Variants in GRIN2C observed in about 807,000 individuals in gnomAD.
GRIN2C encodes glutamate ionotropic receptor NMDA type subunit 2C.
GRIN2C carries 64 observed loss-of-function variants against 77.7 expected under a neutral mutation model. The observed-to-expected ratio is 0.82, with a 90% CI of 0.67 to 1.01. The LOEUF is 1.01. Among genes scored for constraint, GRIN2C ranks in the 50% least tolerant of loss-of-function variants. The probability of loss-of-function intolerance (pLI) is 0.00; values close to 1 mark genes in which losing one functional copy is unlikely to be tolerated. For synonymous variants in GRIN2C, 792 were observed against 643.4 expected (o/e 1.23, Z -3.49); for missense variants, 1,549 against 1,486.0 (o/e 1.04, Z -0.70).
chr17:74,847,153 C>T lies in GRIN2C; in HGVS notation c.2001+155G>A, dbSNP rs759438903. On this transcript the variant is annotated intron_variant, in intron 9 of 12. Transcript: ENST00000293190. This position sits in a 1 kb window ranked among gnomAD's most constrained non-coding sequence, Gnocchi z 5.2. Reference sequence around the variant, plus strand: ...GGTGGCCCTGAGCCATCTCTTGCCCCAGCCCCCAACCCCTTCTCAGCAGGC... The same window carrying T: ...GGTGGCCCTGAGCCATCTCTTGCCCTAGCCCCCAACCCCTTCTCAGCAGGC... The T allele has an allele frequency of 6.2e-4, 458 of 733,242 alleles. 1 individual carries two copies. In the Middle Eastern group the frequency reaches 8.2e-3, roughly 13 times the overall value. The allele number at this position is 733,242 out of a possible 1,614,324, so 45.4% of individuals were successfully genotyped here. A position where few individuals can be genotyped will look rare whatever the true frequency, so the allele number is the denominator to read the frequency against.
At position 74,847,488 on chromosome 17, in the gene GRIN2C, C is replaced by T. The variant is rs2144567873; in HGVS notation, c.1821G>A (p.Trp607Ter). 1.9e-6 allele frequency: 3 copies of T among 1,613,830 alleles called. No homozygotes were observed. The Admixed American group carries it at 5.0e-5, about 27-fold the overall frequency. Reference sequence around the variant, plus strand: ...GCACTGAGTTGTTGAAGACCAGCGCCCACAGCAGCCACACGGACTTGCCGA... The same window carrying T: ...GCACTGAGTTGTTGAAGACCAGCGCTCACAGCAGCCACACGGACTTGCCGA... ...FTIGKSVWLL[W>*]ALVFNNSVPI... The change falls in exon 9 of 13, where the codon TGG becomes TGA. Residue 607 changes from tryptophan to a stop codon, truncating the protein, a stop_gained. Coordinates refer to ENST00000293190, the MANE Select transcript of GRIN2C (RefSeq NM_000835.6). LOFTEE classifies it high-confidence loss of function. This position sits in a 1 kb window ranked among gnomAD's most constrained non-coding sequence, Gnocchi z 5.2.
Position 74,847,112 on chromosome 17 carries a change from C to G in GRIN2C, c.2002-192G>C, listed in dbSNP as rs2037481483. On this transcript the variant is annotated intron_variant, in intron 9 of 12. Transcript: ENST00000293190. The surrounding 1 kb of genome is among the most constrained non-coding windows in gnomAD (Gnocchi z 5.2). ...AGGCCCAAGACAGGGAGAGACTTAC[C>G]CAAGGCCTCTCAGCCGGTGGCCCTG... 1.4e-6 allele frequency: 1 copy of G among 733,130 alleles called. No homozygotes were observed. Among genetic ancestry groups the G allele is most frequent in the Non-Finnish European group, 2.2e-6 (1 of 455,056 alleles). 45.4% of individuals were successfully genotyped at this position (733,130 alleles called of 1,614,324 possible). A position where few individuals can be genotyped will look rare whatever the true frequency, so the allele number is the denominator to read the frequency against.
At position 74,843,234 on chromosome 17, in the gene GRIN2C, G is replaced by A. The variant is rs866041555; in HGVS notation, c.2903C>T (p.Ala968Val). The A allele has an allele frequency of 3.3e-5, 21 of 634,914 alleles. No individual in the cohort carries two copies. In the African/African-American group the frequency reaches 3.5e-4, roughly 11 times the overall value. The allele number at this position is 634,914 out of a possible 1,614,324, so 39.3% of individuals were successfully genotyped here. The change falls in exon 13 of 13, where the codon GCG becomes GTG. Residue 968 changes from alanine to valine, a missense_variant. Ala to Val is a moderately conservative substitution (Grantham distance 64, BLOSUM62 0). Around this residue, in one of 3 missense-constraint regions of GRIN2C, gnomAD observed 450 missense variants for 267.9 expected, o/e 1.68. Transcript: ENST00000293190. The stretch of plus-strand genomic sequence containing the variant: ...CTGCGGAGCCCTGCGCACAAGCGCC[G>A]CGCGACCCCCGTCTGGCGGTCCCCA... ...TGWGPPDGGR[A>V]ALVRRAPQPP...
At chr17:74,858,044 G>A (rs1156889068) in intron 1 of GRIN2C, among the ~76,000 whole-genome samples, 1 of 152,108 alleles carries the variant, frequency 6.6e-6, no homozygotes, top group East Asian at 1.9e-4. Flanking sequence ...TGTGACCCTG[G>A]ATGAAGGGCC....
At position 74,847,830 on chromosome 17, in the gene GRIN2C, G is replaced by T. The variant is rs773385102; in HGVS notation, c.1771+22C>A. On this transcript the variant is annotated intron_variant, in intron 8 of 12. Transcript: ENST00000293190. The surrounding 1 kb of genome is among the most constrained non-coding windows in gnomAD (Gnocchi z 5.2). ...CAGGGTGCCCAGGCCCACCCCTCCTGCCGGGCCCAGGCAAGGCTTACTCTT... is the reference window on the plus strand; with the variant it reads ...CAGGGTGCCCAGGCCCACCCCTCCTTCCGGGCCCAGGCAAGGCTTACTCTT... 4 of 1,613,634 alleles carry T rather than the reference G, an allele frequency of 2.5e-6. No individual in the cohort carries two copies. The South Asian group carries it at 3.3e-5, about 13-fold the overall frequency.
rs1598477653 is a variant in GRIN2C, at chr17:74,847,231, G to C, written c.2001+77C>G. ...CAGGTCAAATTCCCCAGACTCGACT[G>C]TCCAGGGCCTGCCCACTCACGGCCT... On this transcript the variant is annotated intron_variant, in intron 9 of 12. Coordinates refer to ENST00000293190, the MANE Select transcript of GRIN2C (RefSeq NM_000835.6). The surrounding 1 kb of genome is among the most constrained non-coding windows in gnomAD (Gnocchi z 5.2). 10 of 1,145,658 alleles carry C rather than the reference G, an allele frequency of 8.7e-6. No individual in the cohort carries two copies. The South Asian group carries it at 1.0e-4, about 12-fold the overall frequency. The allele number at this position is 1,145,658 out of a possible 1,614,324, so 71.0% of individuals were successfully genotyped here.
In GRIN2C at chr17:74,844,069, T is replaced by G. The variant is rs1000450102; in HGVS notation, c.2583+207A>C. On this transcript the variant is annotated intron_variant, in intron 12 of 12. Transcript: ENST00000293190. ...TTTTATTTTCTGTAGAGATGGGTTTTCGCCATGTTGCCCAGGCTGGTCTCA... is the reference window on the plus strand; with the variant it reads ...TTTTATTTTCTGTAGAGATGGGTTTGCGCCATGTTGCCCAGGCTGGTCTCA... The G allele has an allele frequency of 6.9e-6, 7 of 1,018,574 alleles. No individual in the cohort carries two copies. In the African/African-American group the frequency reaches 1.1e-4, roughly 16 times the overall value. 63.1% of individuals were successfully genotyped at this position (1,018,574 alleles called of 1,614,324 possible).
intron 12 of GRIN2C, chr17:74,844,018 C>T (rs1443290077): frequency 3.5e-5 from 23 of 648,972 alleles, no homozygotes; most frequent in South Asian, 6.5e-5. Flanking sequence ...GGACTGCAGG[C>T]GCGCACCACC....
intron 2 of GRIN2C, 120 bp downstream of exon 2, chr17:74,854,574 C>G: frequency 2.8e-6 from 2 of 724,482 alleles, no homozygotes; most frequent in Non-Finnish European, 4.7e-6. Flanking sequence ...CCACATCATG[C>G]CCTCAGCCCC....
Position 74,843,396 on chromosome 17 carries a change from T to C in GRIN2C, c.2741A>G (p.Asp914Gly). 6.5e-7 allele frequency: 1 copy of C among 1,535,244 alleles called. No homozygotes were observed. The highest frequency in any genetic ancestry group is 8.7e-7 in the Non-Finnish European group (1 of 1,145,772). Residue 914 changes from aspartate to glycine, a missense_variant, in exon 13 of 13, where the codon GAC becomes GGC. Asp to Gly is a moderately conservative substitution (Grantham distance 94). This residue lies in a region of GRIN2C where 450 missense variants were observed against 267.9 expected (regional missense o/e 1.68). Coordinates refer to ENST00000293190, the MANE Select transcript of GRIN2C (RefSeq NM_000835.6). Reference protein sequence around the residue: ...VTTAGVSSSLDRATRTIENWG... With the variant: ...VTTAGVSSSLGRATRTIENWG... ...ATTCTCGATGGTGCGAGTGGCGCGG[T>C]CCAGGGAGCTGCTTACGCCCGCCGT...
chr17:74,850,422 C>T lies in GRIN2C; in HGVS notation c.1326-51G>A, dbSNP rs1567894230. The T allele has an allele frequency of 6.3e-7, 1 of 1,592,438 alleles. No individual in the cohort carries two copies. Among genetic ancestry groups the T allele is most frequent in the Non-Finnish European group, 8.5e-7 (1 of 1,170,678 alleles). On this transcript the variant is annotated intron_variant, in intron 5 of 12. Transcript: ENST00000293190. The surrounding 1 kb of genome is among the most constrained non-coding windows in gnomAD (Gnocchi z 5.3). ...CCGGGAGTCAGAGTATGTCGTGGCC[C>T]AGCCCCGCCCCAGCCACTCCTCCAG...
At position 74,847,502 on chromosome 17, in the gene GRIN2C, C is replaced by A; in HGVS notation, c.1807G>T (p.Val603Leu). ...GGPAFTIGKSVWLLWALVFNN... is the reference protein window; with the variant it reads ...GGPAFTIGKSLWLLWALVFNN... ...AAGACCAGCGCCCACAGCAGCCACA[C>A]GGACTTGCCGATAGTGAAAGCTGGG... is the stretch of plus-strand genomic sequence containing the variant. The change falls in exon 9 of 13, where the codon GTG (valine) becomes TTG (leucine). Residue 603 changes from valine to leucine, a missense_variant. By Grantham distance (32) the Val-to-Leu change is conservative. Transcript: ENST00000293190. This position sits in a 1 kb window ranked among gnomAD's most constrained non-coding sequence, Gnocchi z 5.2. The A allele has an allele frequency of 1.2e-6, 2 of 1,613,886 alleles. No individual in the cohort carries two copies. Among genetic ancestry groups the A allele is most frequent in the Non-Finnish European group, 1.7e-6 (2 of 1,179,908 alleles).
At chr17:74,843,777 C>T (rs1454418147) in intron 12 of GRIN2C, among the ~76,000 whole-genome samples, 2 of 152,142 alleles carry the variant, frequency 1.3e-5, no homozygotes, top group Non-Finnish European at 2.9e-5. Flanking sequence ...TAGCACCTGG[C>T]ACATGAAGGT....
chr17:74,844,544 ACC>A (rs1567888664), intron 11 of GRIN2C, 36 bp from the exon 12 acceptor site: 1 of 1,596,728 alleles, frequency 6.3e-7, no homozygotes, highest in South Asian at 1.1e-5. Context: ...GGCTCAGGAA[ACC>A]CCCCTATAAG....
Position 74,852,185 on chromosome 17 carries a change from C to T in GRIN2C, c.826G>A (p.Val276Ile). ...CTGAGGCGCCAGCTCTCGGTGACGA[C>T]GCTGATGAGGCCCACGGGGAAGGTG... ...PATFPVGLIS[V>I]VTESWRLSLR... is the part of the protein sequence containing the mutation. The change falls in exon 3 of 13, where the codon GTC becomes ATC. Residue 276 changes from valine (V) to isoleucine (I), a missense_variant. Transcript: ENST00000293190. 2.7e-6 allele frequency: 4 copies of T among 1,458,540 alleles called. No homozygotes were observed. The highest frequency in any genetic ancestry group is 1.3e-5 in the South Asian group (1 of 75,530). The allele number at this position is 1,458,540 out of a possible 1,614,324, so 90.3% of individuals were successfully genotyped here. A position where few individuals can be genotyped will look rare whatever the true frequency, so the allele number is the denominator to read the frequency against.
intron 1 of GRIN2C, among the ~76,000 whole-genome samples, chr17:74,857,476 C>T (rs1464504406): frequency 6.6e-6 from 1 of 152,180 alleles, no homozygotes. Flanking sequence ...GAACTGACAG[C>T]CCAGAGACAT....
rs751956897 is a variant in GRIN2C, at chr17:74,852,314, C to T, written c.697G>A (p.Ala233Thr). 1.0e-5 allele frequency: 15 copies of T among 1,450,414 alleles called. No homozygotes were observed. Among genetic ancestry groups the T allele is most frequent in the Non-Finnish European group, 1.4e-5 (15 of 1,108,864 alleles). 89.8% of individuals were successfully genotyped at this position (1,450,414 alleles called of 1,614,324 possible). A position where few individuals can be genotyped will look rare whatever the true frequency, so the allele number is the denominator to read the frequency against. The change falls in exon 3 of 13, where the codon GCC (alanine) becomes ACC (threonine). Residue 233 changes from alanine to threonine, a missense_variant. Physicochemically the swap from Ala to Thr is moderately conservative, Grantham distance 58. Coordinates refer to ENST00000293190, the MANE Select transcript of GRIN2C (RefSeq NM_000835.6). ...GCCGCCTCGGCGAAGAGCACCTCGG[C>T]CTCCTCGCGCGAGCAGTAGGCCACA... ...VFVAYCSREE[A>T]EVLFAEAAQA...
intron 1 of GRIN2C, among the ~76,000 whole-genome samples, chr17:74,857,194 C>T (rs2037841887): frequency 6.6e-6 from 1 of 152,194 alleles, no homozygotes; most frequent in Admixed American, 6.5e-5. Flanking sequence ...TCCCCAGCCT[C>T]CCCGTCAAGA....
chr17:74,852,591 C>T lies in GRIN2C; in HGVS notation c.420G>A (p.Leu140=), dbSNP rs373450328. The change falls in exon 3 of 13, where the codon CTG becomes CTA. Residue 140 remains leucine (L), a synonymous_variant. Coordinates refer to ENST00000293190, the MANE Select transcript of GRIN2C (RefSeq NM_000835.6). The part of the protein sequence containing the change: ...LTPKEPGSAF[L]QLGVSLEQQL... The stretch of plus-strand genomic sequence containing the variant: ...GCTGCTCCAGGGACACGCCCAGCTG[C>T]AGGAAGGCGGAGCCCGGCTCCTGGG... 4.9e-4 allele frequency: 703 copies of T among 1,429,302 alleles called. No individual in the cohort carries two copies. Among genetic ancestry groups the T allele is most frequent in the Non-Finnish European group, 5.9e-4 (643 of 1,087,200 alleles). 88.5% of individuals were successfully genotyped at this position (1,429,302 alleles called of 1,614,324 possible).
Sources: allele counts gnomAD v4.1 joint callset (sites outside exome capture counted in the v4.1 genomes callset), GRCh38; gene constraint gnomAD v4.1.1; regional missense constraint gnomAD v4.1.1; non-coding constraint Gnocchi (gnomAD v3.1); transcripts MANE v1.5; gene names NCBI Gene and HGNC (gene_info 2026-07-23, HGNC 2026-07-21).